CRLF1: variants seen among roughly 807,000 people sequenced by gnomAD.
CRLF1 encodes cytokine receptor like factor 1.
Under a neutral mutation model 48.9 loss-of-function variants are expected in CRLF1, and 36 were observed. That is an observed-to-expected ratio of 0.74 (90% CI 0.56 to 0.97). The LOEUF is 0.97. Ranked by LOEUF, CRLF1 falls within the 50% of genes least tolerant of loss-of-function variation. The pLI, the probability that CRLF1 is intolerant of heterozygous loss-of-function variation, is 0.00. For missense variants in CRLF1, 534 were observed against 575.1 expected, an observed-to-expected ratio of 0.93 and a Z score of 0.73; for synonymous variants, 256 against 253.4, an observed-to-expected ratio of 1.01 and a Z score of -0.10.
At chr19:18,605,483 C>A (rs1976279500) in intron 1 of CRLF1, among the ~76,000 whole-genome samples, 1 of 152,180 alleles carries the variant, frequency 6.6e-6, no homozygotes, top group Non-Finnish European at 1.5e-5. Flanking sequence ...ACATCTGGGG[C>A]GAGTGGTGCC....
intron 8 of CRLF1, 35 bp downstream of exon 8, chr19:18,594,030 G>GGGGGGGGGCCCCCCC: frequency 7.6e-7 from 1 of 1,315,310 alleles, no homozygotes; most frequent in Non-Finnish European, 1.1e-6. Flanking sequence ...CCCTCCCCTT[G>GGGGGGGGGCCCCCCC]CTCCCTCCCG....
rs758456131 is a variant in CRLF1 at position 18,596,979 on chromosome 19, G to T, written c.768C>A (p.Arg256=). 1 of 1,613,980 alleles carries T rather than the reference G, an allele frequency of 6.2e-7. No individual in the cohort carries two copies. The highest frequency in any genetic ancestry group is 1.1e-5 in the South Asian group (1 of 91,090). The change falls in exon 5 of 9, where the codon CGC becomes CGA. Residue 256 remains arginine (R), a synonymous_variant. Transcript: ENST00000392386. The part of the protein sequence containing the change: ...VGGLEDQLSV[R]WVSPPALKDF... ...CCTTGAGGGCGGGTGGCGACACCCAGCGCACGCTCAGCTGGTCCTCCAGGC... is the reference window on the plus strand; with the variant it reads ...CCTTGAGGGCGGGTGGCGACACCCATCGCACGCTCAGCTGGTCCTCCAGGC...
Position 18,598,794 on chromosome 19 carries a change from A to T in CRLF1, c.505T>A (p.Tyr169Asn). 1 of 1,614,044 alleles carries T rather than the reference A, an allele frequency of 6.2e-7. No homozygotes were observed. The highest frequency in any genetic ancestry group is 2.2e-5 in the East Asian group (1 of 44,876). ...AACCTAAGCTTGTACTTGAGGGAGT[A>T]GTTGGTGTGGAGGAAGGTCTCCCCG... Reference protein sequence around the residue: ...AHGETFLHTNYSLKYKLRWYG... With the variant: ...AHGETFLHTNNSLKYKLRWYG... The change falls in exon 3 of 9, where the codon TAC (tyrosine) becomes AAC (asparagine). Residue 169 changes from tyrosine to asparagine, a missense_variant. By Grantham distance (143) the Tyr-to-Asn change is moderately radical. Transcript: ENST00000392386.
chr19:18,598,110 C>T (rs931117685), intron 4 of CRLF1, among the ~76,000 whole-genome samples: 3 of 152,104 alleles, frequency 2.0e-5, no homozygotes, highest in Non-Finnish European at 4.4e-5. Context: ...CTTCCTGGGG[C>T]GCCTCCCGAC....
At chr19:18,602,588 A>G (rs1365380964) in intron 1 of CRLF1, among the ~76,000 whole-genome samples, 1 of 152,028 alleles carries the variant, frequency 6.6e-6, no homozygotes, top group African/African-American at 2.4e-5. Context: ...ACTGCACTCC[A>G]GCCTGGGTGA....
intron 1 of CRLF1, among the ~76,000 whole-genome samples, chr19:18,604,901 C>T (rs1976269510): frequency 6.6e-6 from 1 of 152,148 alleles, no homozygotes; most frequent in Non-Finnish European, 1.5e-5. Context: ...AAAAGGAACA[C>T]CATGTGTTTT....
rs1235924247 is a variant in CRLF1, at chr19:18,606,199, CA to C, written c.115+342del. Among the ~76,000 whole-genome samples, 1 of 151,726 alleles carries C rather than the reference CA, an allele frequency of 6.6e-6. No homozygotes were observed. The highest frequency in any genetic ancestry group is 2.4e-5 in the African/African-American group (1 of 41,346). ...GCCTGGGAGCGGTGCCCTGCAGTCCCAGGGGCCCAGAGTCCACCGAAGCAGA... is the reference window on the plus strand; with the variant it reads ...GCCTGGGAGCGGTGCCCTGCAGTCCCGGGGCCCAGAGTCCACCGAAGCAGA... On this transcript the variant is annotated intron_variant, in intron 1 of 8. Coordinates refer to ENST00000392386, the MANE Select transcript of CRLF1 (RefSeq NM_004750.5). This position sits in a 1 kb window ranked among gnomAD's most constrained non-coding sequence, Gnocchi z 4.8.
At chr19:18,598,183 G>A (rs1006779667) in intron 4 of CRLF1, among the ~76,000 whole-genome samples, 6 of 152,178 alleles carry the variant, frequency 3.9e-5, no homozygotes, top group African/African-American at 1.2e-4. Context: ...CGAGGGGGTG[G>A]TGGCCAGGCC....
intron 1 of CRLF1, among the ~76,000 whole-genome samples, chr19:18,600,758 C>G (rs11878659): frequency 0.11 from 16,899 of 152,152 alleles, 2,360 homozygotes; most frequent in African/African-American, 0.33. Context: ...CTCGGCCTCT[C>G]AAAGTGCTGG....
chr19:18,594,032 T>TGGCCAC, intron 8 of CRLF1, 33 bp downstream of exon 8: 4 of 695,814 alleles, frequency 5.7e-6, no homozygotes, highest in Non-Finnish European at 8.8e-6. Flanking sequence ...CTCCCCTTGC[T>TGGCCAC]CCCTCCCGCC....
At position 18,599,784 on chromosome 19, in the gene CRLF1, A is replaced by G; in HGVS notation, c.178T>C (p.Cys60Arg). ...LLIGSSLLAT[C>R]SVHGDPPGAT... ...CCTGGTGGGTCTCCGTGCACTGAGC[A>G]GGTGGCCAGCAGGGAGGAGCCGATG... The change falls in exon 2 of 9, where the codon TGC becomes CGC. Residue 60 changes from cysteine (C) to arginine (R), a missense_variant. By Grantham distance (180) the Cys-to-Arg change is radical. Transcript: ENST00000392386. The G allele has an allele frequency of 1.9e-6, 3 of 1,585,980 alleles. No homozygotes were observed. Among genetic ancestry groups the G allele is most frequent in the Non-Finnish European group, 8.6e-7 (1 of 1,163,248 alleles).
rs2145339619 is a variant in CRLF1 at position 18,606,460 on chromosome 19, C to T, written c.115+82G>A. Reference sequence around the variant, plus strand: ...TCCCCGGCCGTCCAGGTGGCGCCCGCGCCCCCTCCCCCCGCGGCTGCCCCC... The same window carrying T: ...TCCCCGGCCGTCCAGGTGGCGCCCGTGCCCCCTCCCCCCGCGGCTGCCCCC... On this transcript the variant is annotated intron_variant, in intron 1 of 8. Transcript: ENST00000392386. The surrounding 1 kb of genome is among the most constrained non-coding windows in gnomAD (Gnocchi z 4.8). 8.7e-6 allele frequency: 9 copies of T among 1,031,420 alleles called. No homozygotes were observed. The highest frequency in any genetic ancestry group is 1.1e-5 in the Non-Finnish European group (9 of 853,666). 63.9% of individuals were successfully genotyped at this position (1,031,420 alleles called of 1,614,324 possible).
intron 6 of CRLF1, among the ~76,000 whole-genome samples, chr19:18,595,315 C>G (rs1163640156): frequency 4.6e-5 from 7 of 152,196 alleles, no homozygotes; most frequent in African/African-American, 9.7e-5. Context: ...GGCTCAGGCC[C>G]CTCCCGGCTG....
Position 18,598,904 on chromosome 19 carries a change from G to A in CRLF1, c.398-3C>T, listed in dbSNP as rs747839971. On this transcript the variant is annotated splice_polypyrimidine_tract_variant and splice_region_variant and intron_variant, in intron 2 of 8. Coordinates refer to ENST00000392386, the MANE Select transcript of CRLF1 (RefSeq NM_004750.5). ...GTTGACGGGTTTCTCTGGGGGCACT[G>A]GGAGAAGGGGAGGGTGCAGGAAGCA... The A allele has an allele frequency of 1.2e-6, 2 of 1,613,836 alleles. No individual in the cohort carries two copies. Among genetic ancestry groups the A allele is most frequent in the Non-Finnish European group, 8.5e-7 (1 of 1,179,932 alleles).
chr19:18,597,004 C>G lies in CRLF1; in HGVS notation c.743G>C (p.Gly248Ala). ...PPDVHVSRVG[G>A]LEDQLSVRWV... ...GCGCACGCTCAGCTGGTCCTCCAGG[C>G]CCCCGACGCGGCTCACGTGCACGTC... The change falls in exon 5 of 9, where the codon GGC (glycine) becomes GCC (alanine). Residue 248 changes from glycine to alanine, a missense_variant. Physicochemically the swap from Gly to Ala is moderately conservative, Grantham distance 60. Transcript: ENST00000392386. The G allele has an allele frequency of 6.2e-7, 1 of 1,613,584 alleles. No individual in the cohort carries two copies. Among genetic ancestry groups the G allele is most frequent in the East Asian group, 2.2e-5 (1 of 44,864 alleles).
At position 18,598,798 on chromosome 19, in the gene CRLF1, G is replaced by A. The variant is rs1976179318; in HGVS notation, c.501C>T (p.Thr167=). The A allele has an allele frequency of 6.2e-7, 1 of 1,613,976 alleles. No individual in the cohort carries two copies. Among genetic ancestry groups the A allele is most frequent in the Non-Finnish European group, 8.5e-7 (1 of 1,180,016 alleles). Residue 167 remains threonine, a synonymous_variant, in exon 3 of 9, where the codon ACC becomes ACT. Transcript: ENST00000392386. ...TAAGCTTGTACTTGAGGGAGTAGTTGGTGTGGAGGAAGGTCTCCCCGTGGG... is the reference window on the plus strand; with the variant it reads ...TAAGCTTGTACTTGAGGGAGTAGTTAGTGTGGAGGAAGGTCTCCCCGTGGG... ...PGAHGETFLH[T]NYSLKYKLRW...
At position 18,597,040 on chromosome 19, in the gene CRLF1, T is replaced by A. The variant is rs1380100687; in HGVS notation, c.707A>T (p.Asp236Val). 2 of 1,611,948 alleles carry A rather than the reference T, an allele frequency of 1.2e-6. No homozygotes were observed. The highest frequency in any genetic ancestry group is 2.2e-5 in the South Asian group (2 of 90,946). ...TLDILDVVTTDPPPDVHVSRV... is the reference protein window; with the variant it reads ...TLDILDVVTTVPPPDVHVSRV... The stretch of plus-strand genomic sequence containing the variant: ...GCTCACGTGCACGTCGGGCGGGGGG[T>A]CCGTGGTCACTGCGGGGCAGAGGAG... Residue 236 changes from aspartate to valine, a missense_variant, in exon 5 of 9, where the codon GAC becomes GTC. Coordinates refer to ENST00000392386, the MANE Select transcript of CRLF1 (RefSeq NM_004750.5).
intron 8 of CRLF1, 36 bp downstream of exon 8, chr19:18,594,029 T>TTCGGG (rs2145326052): frequency 1.5e-6 from 2 of 1,366,640 alleles, no homozygotes; most frequent in Non-Finnish European, 2.0e-6. Context: ...GCCCTCCCCT[T>TTCGGG]GCTCCCTCCC....
At chr19:18,603,898 G>C (rs1343975426) in intron 1 of CRLF1, among the ~76,000 whole-genome samples, 1 of 151,350 alleles carries the variant, frequency 6.6e-6, no homozygotes, top group African/African-American at 2.4e-5. Flanking sequence ...CGAGGGGGGC[G>C]GGGGGCTGGG....
Sources: gnomAD v4.1 joint callset for allele counts (sites outside exome capture counted in the v4.1 genomes callset) on GRCh38, gnomAD v4.1.1 for gene constraint, Gnocchi (gnomAD v3.1) non-coding constraint, MANE v1.5 for transcripts, NCBI Gene and HGNC (gene_info 2026-07-23, HGNC 2026-07-21) for gene names.